Variants in COP1 observed in about 807,000 individuals in gnomAD.
COP1 encodes E3 ubiquitin-protein ligase COP1.
Under a neutral mutation model 101.3 loss-of-function variants are expected in COP1, and 24 were observed. The observed-to-expected ratio is 0.24, with a 90% CI of 0.17 to 0.33. The LOEUF (loss-of-function observed/expected upper bound fraction) is 0.33, where lower values mean the gene tolerates loss of function less well. COP1 is among the 10% of genes least tolerant of loss of function. The pLI is 1.00. For missense variants in COP1, 663 were observed against 906.2 expected, an observed-to-expected ratio of 0.73 and a Z score of 3.45; for synonymous variants, 347 against 341.9, an observed-to-expected ratio of 1.01 and a Z score of -0.17.
chr1:176,204,593 G>C (rs185313950), intron 1 of COP1, among the ~76,000 whole-genome samples: 22 of 152,208 alleles, frequency 1.4e-4, no homozygotes, highest in African/African-American at 5.3e-4. Context: ...AACCTCACCA[G>C]AAAAAGAAAT....
At chr1:176,075,538 G>A (rs1677834411) in intron 11 of COP1, among the ~76,000 whole-genome samples, 1 of 152,148 alleles carries the variant, frequency 6.6e-6, no homozygotes, top group South Asian at 2.1e-4. Flanking sequence ...CTGTTAATTT[G>A]CTTAGATGTG....
chr1:176,025,002 T>C (rs903648375), intron 15 of COP1, among the ~76,000 whole-genome samples: 7 of 152,174 alleles, frequency 4.6e-5, no homozygotes, highest in African/African-American at 1.4e-4. Context: ...CAATTAAATA[T>C]AGTAGTTTAT....
chr1:176,021,213 A>G (rs1666708879), intron 15 of COP1, among the ~76,000 whole-genome samples: 1 of 152,170 alleles, frequency 6.6e-6, no homozygotes, highest in Admixed American at 6.5e-5. Flanking sequence ...TGTGTTTTCT[A>G]TTTTTTAGGT....
intron 3 of COP1, among the ~76,000 whole-genome samples, chr1:176,171,464 T>C (rs1322822509): frequency 6.6e-6 from 1 of 152,226 alleles, no homozygotes; most frequent in East Asian, 1.9e-4. Flanking sequence ...ACTACTAAAC[T>C]TTCTCCATAT....
intron 17 of COP1, 149 bp downstream of exon 17, chr1:175,988,139 A>T (rs756731995): frequency 1.5e-6 from 1 of 672,010 alleles, no homozygotes; most frequent in Non-Finnish European, 2.4e-6. Context: ...ACACAAGGAA[A>T]ATCAGTAGTG....
rs969121642 is a variant in COP1, at chr1:176,043,312, T to C, written c.1531-45A>G. 35 of 1,140,562 alleles carry C rather than the reference T, an allele frequency of 3.1e-5. No homozygotes were observed. The African/African-American group carries it at 5.5e-4, about 18-fold the overall frequency. 70.7% of individuals were successfully genotyped at this position (1,140,562 alleles called of 1,614,324 possible). ...AGTAGCCTCAGATAGAATACAGATC[T>C]CAAAATGAATAAAGCAAGAAAAAAA... is the stretch of plus-strand genomic sequence containing the variant. On this transcript the variant is annotated intron_variant, in intron 13 of 19. Coordinates refer to ENST00000367669, the MANE Select transcript of COP1 (RefSeq NM_022457.7).
intron 19 of COP1, among the ~76,000 whole-genome samples, chr1:175,946,902 A>G (rs1649245990): frequency 6.6e-6 from 1 of 152,242 alleles, no homozygotes; most frequent in Non-Finnish European, 1.5e-5. Flanking sequence ...TACTGGCATA[A>G]CAGAAGCTAA....
chr1:176,019,620 G>C (rs1666360434), intron 15 of COP1, among the ~76,000 whole-genome samples: 1 of 151,298 alleles, frequency 6.6e-6, no homozygotes, highest in Non-Finnish European at 1.5e-5. Flanking sequence ...CAGGACCATG[G>C]GAAGCATAGG....
chr1:176,003,936 C>T (rs1331881748), intron 15 of COP1, among the ~76,000 whole-genome samples: 77 of 152,010 alleles, frequency 5.1e-4, no homozygotes, highest in African/African-American at 1.1e-3. Context: ...GTAAATTACC[C>T]TGGGCAGTAT....
Position 176,207,275 on chromosome 1 carries a change from G to C in COP1, c.-297C>G. On this transcript the variant is annotated 5_prime_UTR_variant, in exon 1 of 20. Transcript: ENST00000367669. ...CGGCGCGCCGTGGCCGGCCGTGCGC[G>C]CGCGCGCGAGCGGCGGAAGAGGCGG... The C allele has an allele frequency of 2.6e-6, 1 of 387,550 alleles. No individual in the cohort carries two copies. Among genetic ancestry groups the C allele is most frequent in the Non-Finnish European group, 4.6e-6 (1 of 218,768 alleles). The allele number at this position is 387,550 out of a possible 1,614,324, so 24.0% of individuals were successfully genotyped here. A position where few individuals can be genotyped will look rare whatever the true frequency, so the allele number is the denominator to read the frequency against.
intron 16 of COP1, chr1:175,989,104 G>C: frequency 3.5e-6 from 1 of 289,430 alleles, no homozygotes; most frequent in South Asian, 1.4e-4. Flanking sequence ...AAACATAGGA[G>C]GATGAGATAA....
intron 15 of COP1, among the ~76,000 whole-genome samples, chr1:176,014,005 A>C (rs1326583316): frequency 6.6e-6 from 1 of 152,200 alleles, no homozygotes; most frequent in Non-Finnish European, 1.5e-5. Flanking sequence ...GGGAACACTG[A>C]TTAATTATAT....
At chr1:176,068,556 A>G (rs1482135335) in intron 11 of COP1, among the ~76,000 whole-genome samples, 1 of 152,230 alleles carries the variant, frequency 6.6e-6, no homozygotes, top group African/African-American at 2.4e-5. Context: ...AAAATTTCAA[A>G]GGTCTCATTT....
intron 13 of COP1, 82 bp from the exon 14 acceptor site, chr1:176,043,349 T>C (rs896026038): frequency 4.2e-5 from 34 of 816,630 alleles, no homozygotes; most frequent in East Asian, 3.5e-4. Flanking sequence ...AAACCTGATA[T>C]CAATTTATTG....
At chr1:176,145,905 G>A (rs80156138) in intron 6 of COP1, among the ~76,000 whole-genome samples, 1 of 152,110 alleles carries the variant, frequency 6.6e-6, no homozygotes, top group Admixed American at 6.5e-5. Flanking sequence ...GGGTGGTCAG[G>A]GTGCTTCAGC....
chr1:175,993,515 A>G (rs920337526), intron 15 of COP1, among the ~76,000 whole-genome samples: 3 of 152,208 alleles, frequency 2.0e-5, no homozygotes, highest in Non-Finnish European at 2.9e-5. Flanking sequence ...AGACGAATGT[A>G]TAACTAGAAT....
chr1:176,136,245 T>G (rs531851492), intron 7 of COP1, among the ~76,000 whole-genome samples: 89 of 152,214 alleles, frequency 5.8e-4, no homozygotes, highest in Non-Finnish European at 8.7e-4. Context: ...CGATTTTTTT[T>G]GTCAGTCTAA....
intron 2 of COP1, among the ~76,000 whole-genome samples, chr1:176,179,777 T>C (rs1029405009): frequency 8.6e-5 from 13 of 152,026 alleles, no homozygotes; most frequent in Non-Finnish European, 8.8e-5. Context: ...CAAGAAATTA[T>C]TCCAAAATCT....
intron 15 of COP1, among the ~76,000 whole-genome samples, chr1:176,002,306 C>G (rs1203165129): frequency 6.6e-6 from 1 of 151,880 alleles, no homozygotes; most frequent in African/African-American, 2.4e-5. Context: ...ATAATCACAA[C>G]TGACCTATCT....
Sources: gnomAD v4.1 joint callset for allele counts (sites outside exome capture counted in the v4.1 genomes callset) on GRCh38, gnomAD v4.1.1 for gene constraint, MANE v1.5 for transcripts, NCBI Gene and HGNC (gene_info 2026-07-23, HGNC 2026-07-21) for gene names.